Variants in TENM2 observed in about 807,000 individuals in gnomAD.
The protein encoded by TENM2 is teneurin transmembrane protein 2.
In TENM2, 52 loss-of-function variants were observed where a neutral mutation model predicts 245.2. That is an observed-to-expected ratio of 0.21 (90% CI 0.17 to 0.27). The LOEUF (loss-of-function observed/expected upper bound fraction) is 0.27. Among genes scored for constraint, TENM2 ranks in the 10% least tolerant of loss-of-function variants. TENM2 has a pLI of 1.00. For missense variants in TENM2, 3,046 were observed against 3,666.8 expected (o/e 0.83, Z 4.37); for synonymous variants, 1,363 against 1,438.9 (o/e 0.95, Z 1.19).
intron 13 of TENM2, chr5:168,186,874 A>AT (rs1346301450): frequency 6.6e-6 from 1 of 152,128 alleles, no homozygotes; most frequent in African/African-American, 2.4e-5. Flanking sequence ...GAAGATTGCA[A>AT]TGTCAGACTC....
intron 4 of TENM2, among the ~76,000 whole-genome samples, chr5:167,966,216 A>G (rs1422177340): frequency 1.3e-5 from 2 of 152,222 alleles, no homozygotes; most frequent in African/African-American, 4.8e-5. Context: ...TATGCCCTGC[A>G]TATTATAAAA....
At chr5:167,696,702 T>G (rs774562435) in intron 2 of TENM2, among the ~76,000 whole-genome samples, 2 of 152,206 alleles carry the variant, frequency 1.3e-5, no homozygotes, top group African/African-American at 2.4e-5. Flanking sequence ...CTCTTTGATC[T>G]CAAATGTCTC....
At chr5:167,497,006 A>G (rs776949382) in intron 2 of TENM2, among the ~76,000 whole-genome samples, 2 of 144,114 alleles carry the variant, frequency 1.4e-5, no homozygotes, top group Non-Finnish European at 3.1e-5. Flanking sequence ...TAATCATTCT[A>G]GGTGGTCGCA....
the TENM2 span, among the ~76,000 whole-genome samples, chr5:167,015,696 G>C: frequency 6.6e-6 from 1 of 152,050 alleles, no homozygotes; most frequent in Admixed American, 6.6e-5. Context: ...TTCATGGTAA[G>C]GATACCAACA....
At chr5:167,255,907 A>ATT in the TENM2 span, among the ~76,000 whole-genome samples, 3 of 151,408 alleles carry the variant, frequency 2.0e-5, no homozygotes, top group South Asian at 6.3e-4. Context: ...CATGCTACCA[A>ATT]TTTTTTTTTC....
intron 2 of TENM2, among the ~76,000 whole-genome samples, chr5:167,855,762 G>A (rs1234865593): frequency 7.1e-6 from 1 of 140,218 alleles, no homozygotes; most frequent in African/African-American, 2.6e-5. Flanking sequence ...AGGAAGGAAG[G>A]GAGGGAGGGA....
chr5:167,545,968 A>G (rs990967626), intron 2 of TENM2, among the ~76,000 whole-genome samples: 3 of 152,254 alleles, frequency 2.0e-5, no homozygotes, highest in African/African-American at 4.8e-5. Context: ...TTTGCAAATA[A>G]TAACATAGTT....
chr5:168,108,992 G>T (rs866496667), intron 9 of TENM2, among the ~76,000 whole-genome samples: 17 of 152,170 alleles, frequency 1.1e-4, no homozygotes, highest in South Asian at 2.1e-4. Flanking sequence ...TCCTGAGACA[G>T]CCAGGGCTGC....
At chr5:167,910,569 G>A (rs115924199) in intron 3 of TENM2, among the ~76,000 whole-genome samples, 15 of 152,216 alleles carry the variant, frequency 9.9e-5, no homozygotes, top group Admixed American at 2.6e-4. Context: ...TCCAAGATCC[G>A]AACTGTTCTT....
intron 2 of TENM2, among the ~76,000 whole-genome samples, chr5:167,722,793 AAAAC>A (rs920284556): frequency 2.6e-5 from 4 of 152,148 alleles, no homozygotes; most frequent in East Asian, 1.9e-4. Flanking sequence ...AAAACAAAAC[AAAAC>A]AAACAAAAAA....
At chr5:167,178,480 G>A in the TENM2 span, among the ~76,000 whole-genome samples, 1 of 152,138 alleles carries the variant, frequency 6.6e-6, no homozygotes, top group Admixed American at 6.6e-5. Flanking sequence ...TTCCCAGTGG[G>A]TAAGGATGGA....
chr5:167,511,330 G>A (rs1769939544), intron 2 of TENM2, among the ~76,000 whole-genome samples: 1 of 152,120 alleles, frequency 6.6e-6, no homozygotes, highest in East Asian at 1.9e-4. Context: ...GGTAAAACGT[G>A]AGGCCTTTAG....
intron 2 of TENM2, among the ~76,000 whole-genome samples, chr5:167,629,330 C>T (rs2127787848): frequency 6.6e-6 from 1 of 152,286 alleles, no homozygotes; most frequent in South Asian, 2.1e-4. Flanking sequence ...ATAGTGCTTA[C>T]TTCCTAGGGT....
intron 5 of TENM2, among the ~76,000 whole-genome samples, chr5:168,039,164 G>A (rs904607322): frequency 6.6e-6 from 1 of 152,152 alleles, no homozygotes; most frequent in South Asian, 2.1e-4. Context: ...TCTACGGATC[G>A]ATATGACATC....
chr5:167,511,513 A>G (rs1769954004), intron 2 of TENM2, among the ~76,000 whole-genome samples: 1 of 152,216 alleles, frequency 6.6e-6, no homozygotes, highest in African/African-American at 2.4e-5. Context: ...TTCTTTTGTC[A>G]TACAAATAGT....
At chr5:168,049,239 T>C (rs1176104432) in intron 6 of TENM2, among the ~76,000 whole-genome samples, 1 of 152,146 alleles carries the variant, frequency 6.6e-6, no homozygotes, top group Admixed American at 6.6e-5. Context: ...GATGAAGAAT[T>C]ATCTCCTTTC....
chr5:167,524,932 G>A (rs989763521), intron 2 of TENM2, among the ~76,000 whole-genome samples: 3 of 151,870 alleles, frequency 2.0e-5, no homozygotes, highest in South Asian at 4.2e-4. Flanking sequence ...AGCATAAACT[G>A]TAACACATCT....
chr5:167,926,718 C>A (rs1006742794), intron 3 of TENM2, among the ~76,000 whole-genome samples: 40 of 136,818 alleles, frequency 2.9e-4, no homozygotes, highest in Admixed American at 7.5e-4. Flanking sequence ...TGAGATTCCA[C>A]CACACACACA....
At chr5:167,529,016 C>A (rs989744649) in intron 2 of TENM2, among the ~76,000 whole-genome samples, 1 of 152,052 alleles carries the variant, frequency 6.6e-6, no homozygotes, top group Admixed American at 6.6e-5. Flanking sequence ...AAAATGATTT[C>A]TCTAATAGTC....
Sources: gnomAD v4.1 joint callset for allele counts (sites outside exome capture counted in the v4.1 genomes callset) on GRCh38, gnomAD v4.1.1 for gene constraint, MANE v1.5 for transcripts, NCBI Gene and HGNC (gene_info 2026-07-23, HGNC 2026-07-21) for gene names.